The following TENM4 variants were observed in gnomAD, a reference collection of about 807,000 sequenced individuals.
TENM4 encodes the protein teneurin-4.
Under a neutral mutation model 243.3 loss-of-function variants are expected in TENM4, and 82 were observed. The observed-to-expected ratio is 0.34, with a 90% CI of 0.28 to 0.40. The LOEUF (loss-of-function observed/expected upper bound fraction) is 0.40, where lower values mean the gene tolerates loss of function less well. TENM4 is among the 10% of genes least tolerant of loss of function. The probability of loss-of-function intolerance (pLI) is 1.00; values close to 1 mark genes in which losing one functional copy is unlikely to be tolerated. For synonymous variants in TENM4, 1,412 were observed against 1,456.3 expected (o/e 0.97, Z 0.69); for missense variants, 3,138 against 3,673.3 (o/e 0.85, Z 3.77).
intron 18 of TENM4, among the ~76,000 whole-genome samples, chr11:78,762,390 G>T (rs188425373): frequency 2.0e-5 from 3 of 152,202 alleles, no homozygotes; most frequent in Admixed American, 6.5e-5. Flanking sequence ...TGGCCTTAGA[G>T]AACTGAAGTG....
At chr11:78,966,252 G>C (rs902393810) in intron 6 of TENM4, among the ~76,000 whole-genome samples, 1 of 151,250 alleles carries the variant, frequency 6.6e-6, no homozygotes, top group African/African-American at 2.4e-5. Flanking sequence ...TTGCTCTGAG[G>C]ATGAAAGAAA....
chr11:78,779,220 CAT>C (rs1443517280), intron 16 of TENM4, among the ~76,000 whole-genome samples: 2 of 152,252 alleles, frequency 1.3e-5, no homozygotes, highest in East Asian at 1.9e-4. Flanking sequence ...TCCATGTACA[CAT>C]GTGCCCACAT....
intron 4 of TENM4, among the ~76,000 whole-genome samples, chr11:79,144,373 T>C: frequency 6.6e-6 from 1 of 151,774 alleles, no homozygotes; most frequent in East Asian, 1.9e-4. Context: ...AGTTTGGAGG[T>C]TCCTCAAAAA....
Position 78,676,384 on chromosome 11 carries a change from T to C in TENM4, c.5264A>G (p.Gln1755Arg), listed in dbSNP as rs1229135752. ...CCCGATGTAGTAGCTGTTCCGGACTTGGTCTGCAGGAGAGGACAAGCACAG... is the reference window on the plus strand; with the variant it reads ...CCCGATGTAGTAGCTGTTCCGGACTCGGTCTGCAGGAGAGGACAAGCACAG... Reference protein sequence around the residue: ...SGAFYTLLQDQVRNSYYIGAD... With the variant: ...SGAFYTLLQDRVRNSYYIGAD... Residue 1755 changes from glutamine (Q) to arginine (R), a missense_variant, in exon 30 of 34, where the codon CAA (glutamine) becomes CGA (arginine). By Grantham distance (43) the Gln-to-Arg change is conservative. Transcript: ENST00000278550. The C allele has an allele frequency of 2.5e-6, 4 of 1,593,762 alleles. No homozygotes were observed. The highest frequency in any genetic ancestry group is 4.5e-5 in the East Asian group (2 of 44,390).
intron 6 of TENM4, among the ~76,000 whole-genome samples, chr11:79,010,856 G>A (rs1565166095): frequency 6.6e-6 from 1 of 152,162 alleles, no homozygotes; most frequent in Non-Finnish European, 1.5e-5. Context: ...CCAGCAGAAA[G>A]CCCCTCTTTA....
intron 3 of TENM4, among the ~76,000 whole-genome samples, chr11:79,151,276 C>G (rs1862506486): frequency 6.6e-6 from 1 of 152,208 alleles, no homozygotes; most frequent in Non-Finnish European, 1.5e-5. Context: ...GCTTCCATCT[C>G]TTTGCTGTGG....
intron 2 of TENM4, among the ~76,000 whole-genome samples, chr11:79,221,477 C>A (rs1488510550): frequency 6.6e-6 from 1 of 151,782 alleles, no homozygotes; most frequent in Non-Finnish European, 1.5e-5. Flanking sequence ...AACATCCACA[C>A]CCACACACAA....
At chr11:79,077,186 T>C (rs1256190230) in intron 4 of TENM4, among the ~76,000 whole-genome samples, 1 of 152,158 alleles carries the variant, frequency 6.6e-6, no homozygotes, top group South Asian at 2.1e-4. Flanking sequence ...CCAAGCCTTG[T>C]TGGAGGCATC....
chr11:79,088,303 T>C (rs895617168), intron 4 of TENM4, among the ~76,000 whole-genome samples: 8 of 152,156 alleles, frequency 5.3e-5, no homozygotes, highest in South Asian at 2.1e-4. Flanking sequence ...GTGTTTCTAA[T>C]GGAAAGCTCC....
chr11:78,970,435 A>T (rs1857517555), intron 6 of TENM4, among the ~76,000 whole-genome samples: 1 of 152,154 alleles, frequency 6.6e-6, no homozygotes. Context: ...TACATCTGTT[A>T]TCCTGCATGG....
chr11:79,007,307 G>C (rs567038148), intron 6 of TENM4, among the ~76,000 whole-genome samples: 1 of 152,116 alleles, frequency 6.6e-6, no homozygotes, highest in African/African-American at 2.4e-5. Flanking sequence ...GGGCTGGAGC[G>C]GGGAGCAGTA....
rs985653585 is a variant in TENM4 at position 79,389,188 on chromosome 11, C to A, written c.-321+51321G>T. ...TGTTTGTTTGTTTGAGAAGGTCTCA[C>A]TCCATCCCCCAGGCTGGAGTGCAGT... On this transcript the variant is annotated intron_variant, in intron 1 of 33. Coordinates refer to ENST00000278550, the MANE Select transcript of TENM4 (RefSeq NM_001098816.3). Among the ~76,000 whole-genome samples, 3 of 152,196 alleles carry A rather than the reference C, an allele frequency of 2.0e-5. No homozygotes were observed. The South Asian group carries it at 6.2e-4, about 32-fold the overall frequency.
intron 19 of TENM4, among the ~76,000 whole-genome samples, chr11:78,753,542 G>C (rs1169421160): frequency 1.3e-5 from 2 of 152,192 alleles, no homozygotes; most frequent in Non-Finnish European, 2.9e-5. Context: ...AGTCTAATGA[G>C]AAAAGCATCT....
intron 4 of TENM4, among the ~76,000 whole-genome samples, chr11:79,142,440 T>C (rs1402772793): frequency 6.6e-6 from 1 of 151,838 alleles, no homozygotes; most frequent in African/African-American, 2.4e-5. Context: ...AAATAAAAGA[T>C]CTCTACAATG....
intron 6 of TENM4, among the ~76,000 whole-genome samples, chr11:79,051,137 C>T (rs974753): frequency 0.9 from 137,492 of 152,280 alleles, 62,905 homozygotes; most frequent in Non-Finnish European, 0.98. Flanking sequence ...TTGTAAATCA[C>T]GAAGTGCAAT....
intron 6 of TENM4, among the ~76,000 whole-genome samples, chr11:78,975,024 G>T (rs1055310652): frequency 5.3e-5 from 8 of 151,852 alleles, no homozygotes; most frequent in Non-Finnish European, 8.8e-5. Context: ...TACACATCCA[G>T]GCAACCTCTC....
chr11:79,342,013 T>C (rs1242195552), intron 1 of TENM4, among the ~76,000 whole-genome samples: 2 of 152,140 alleles, frequency 1.3e-5, no homozygotes, highest in Admixed American at 1.3e-4. Flanking sequence ...AAGCATTGGG[T>C]GCAATGTGAA....
chr11:79,080,226 C>A (rs1860632254), intron 4 of TENM4, among the ~76,000 whole-genome samples: 1 of 152,208 alleles, frequency 6.6e-6, no homozygotes, highest in African/African-American at 2.4e-5. Flanking sequence ...CCCTCTTTCC[C>A]ATCCAACAAG....
chr11:78,691,415 G>A (rs573125275), intron 28 of TENM4, among the ~76,000 whole-genome samples: 1 of 152,348 alleles, frequency 6.6e-6, no homozygotes, highest in African/African-American at 2.4e-5. Flanking sequence ...TGTGGGAGAG[G>A]AGACACCATG....
Sources: gnomAD v4.1 joint callset for allele counts (sites outside exome capture counted in the v4.1 genomes callset) on GRCh38, gnomAD v4.1.1 for gene constraint, MANE v1.5 for transcripts, NCBI Gene and HGNC (gene_info 2026-07-23, HGNC 2026-07-21) for gene names.